The following FHAD1 variants were observed in gnomAD, a reference collection of about 807,000 sequenced individuals.
FHAD1 encodes forkhead associated phosphopeptide binding domain 1.
FHAD1 carries 146 observed loss-of-function variants against 191.3 expected under a neutral mutation model. That is an observed-to-expected ratio of 0.76 (90% CI 0.67 to 0.88). FHAD1 has a LOEUF of 0.88. Among genes scored for constraint, FHAD1 ranks in the 40% least tolerant of loss-of-function variants. The probability of loss-of-function intolerance (pLI) is 0.00; values close to 1 mark genes in which losing one functional copy is unlikely to be tolerated. For missense variants in FHAD1, 1,635 were observed against 1,785.8 expected, an observed-to-expected ratio of 0.92 and a Z score of 1.52; for synonymous variants, 616 against 672.3, an observed-to-expected ratio of 0.92 and a Z score of 1.29.
intron 14 of FHAD1, among the ~76,000 whole-genome samples, chr1:15,334,963 C>A (rs893545276): frequency 6.6e-6 from 1 of 152,186 alleles, no homozygotes; most frequent in Non-Finnish European, 1.5e-5. Context: ...AGTCCACGCC[C>A]CTCCAACCTC....
chr1:15,391,279 A>G lies in FHAD1; in HGVS notation c.4323+16A>G, dbSNP rs1238904628. 9 of 1,278,890 alleles carry G rather than the reference A, an allele frequency of 7.0e-6. No homozygotes were observed. Among genetic ancestry groups the G allele is most frequent in the African/African-American group, 1.5e-5 (1 of 65,414 alleles). The allele number at this position is 1,278,890 out of a possible 1,614,324, so 79.2% of individuals were successfully genotyped here. ...AAATTCCCAGGTGAGCAGAAAGAGC[A>G]TCCTTTAGAATTCTCTTTTTTTGTT... On this transcript the variant is annotated intron_variant, in intron 33 of 33. Transcript: ENST00000688493.
intron 32 of FHAD1, among the ~76,000 whole-genome samples, chr1:15,389,921 G>T (rs1336136642): frequency 6.6e-6 from 1 of 152,162 alleles, no homozygotes; most frequent in African/African-American, 2.4e-5. Flanking sequence ...ATGTAACTGG[G>T]TATCCTGTAT....
At position 15,281,717 on chromosome 1, in the gene FHAD1, C is replaced by T. The variant is rs1334230828; in HGVS notation, c.301-7682C>T. ...CGGAGGTTGCAGTGAGCTAAAATCG[C>T]GCTACTGCACTCCAGCCTGGGTGAC... On this transcript the variant is annotated intron_variant, in intron 3 of 33. Coordinates refer to ENST00000688493, the MANE Select transcript of FHAD1 (RefSeq NM_001391957.1). Among the ~76,000 whole-genome samples, 5 of 141,520 alleles carry T rather than the reference C, an allele frequency of 3.5e-5. No homozygotes were observed. The South Asian group carries it at 6.8e-4, about 19-fold the overall frequency. 92.8% of individuals were successfully genotyped at this position (141,520 alleles called of 152,430 possible). A position where few individuals can be genotyped will look rare whatever the true frequency, so the allele number is the denominator to read the frequency against.
chr1:15,374,847 CG>C (rs1558266177), intron 27 of FHAD1, among the ~76,000 whole-genome samples: 7 of 123,410 alleles, frequency 5.7e-5, no homozygotes, highest in South Asian at 4.7e-4. Context: ...CACTATTGTA[CG>C]TTTTTTTTTT....
intron 10 of FHAD1, among the ~76,000 whole-genome samples, chr1:15,321,611 C>T (rs531373967): frequency 3.3e-5 from 5 of 152,244 alleles, no homozygotes; most frequent in Non-Finnish European, 7.3e-5. Flanking sequence ...CATATCTACA[C>T]ATTACTATTA....
intron 26 of FHAD1, among the ~76,000 whole-genome samples, chr1:15,372,027 G>C (rs945233424): frequency 6.6e-6 from 1 of 152,210 alleles, no homozygotes; most frequent in African/African-American, 2.4e-5. Context: ...CTGTCATCTG[G>C]GAGGAGAGAC....
chr1:15,345,301 C>G, intron 17 of FHAD1, 111 bp downstream of exon 17: 1 of 1,341,810 alleles, frequency 7.5e-7, no homozygotes, highest in Non-Finnish European at 1.0e-6. Context: ...CTGTGCTGTC[C>G]ACAGTCCCCT....
At chr1:15,292,547 C>A (rs1404892191) in intron 4 of FHAD1, among the ~76,000 whole-genome samples, 8 of 152,154 alleles carry the variant, frequency 5.3e-5, no homozygotes, top group Non-Finnish European at 4.4e-5. Context: ...GTTAGCCAGG[C>A]TGGTCTCAAC....
At position 15,328,422 on chromosome 1, in the gene FHAD1, G is replaced by A. The variant is rs1315750293; in HGVS notation, c.1703G>A (p.Ser568Asn). 7.3e-6 allele frequency: 11 copies of A among 1,515,896 alleles called. No homozygotes were observed. The highest frequency in any genetic ancestry group is 8.8e-6 in the Non-Finnish European group (10 of 1,132,042). The allele number at this position is 1,515,896 out of a possible 1,614,324, so 93.9% of individuals were successfully genotyped here. A position where few individuals can be genotyped will look rare whatever the true frequency, so the allele number is the denominator to read the frequency against. Residue 568 changes from serine to asparagine, a missense_variant, in exon 13 of 34, where the codon AGC (serine) becomes AAC (asparagine). Transcript: ENST00000688493. ...GAGAAGCTGAGGACGTCGCTGGACA[G>A]CTGCCAGGTGGCCCCTCCTTACGCT... ...NIEKLRTSLD[S>N]CQACMKISCC... is the part of the protein sequence containing the mutation.
intron 3 of FHAD1, among the ~76,000 whole-genome samples, chr1:15,275,023 C>T (rs2101409975): frequency 1.3e-5 from 2 of 152,014 alleles, no homozygotes; most frequent in Middle Eastern, 6.8e-3. Context: ...AGTACAGTGG[C>T]CCGAGCTCGG....
chr1:15,281,605 C>A (rs1557993551), intron 3 of FHAD1, among the ~76,000 whole-genome samples: 1 of 151,594 alleles, frequency 6.6e-6, no homozygotes, highest in Admixed American at 6.6e-5. Flanking sequence ...ACTAAAAATA[C>A]AAAAAATTAG....
At chr1:15,357,908 G>A (rs1044379859) in intron 20 of FHAD1, 1 of 484,802 alleles carries the variant, frequency 2.1e-6, no homozygotes, top group African/African-American at 2.0e-5. Context: ...AAATCACAAG[G>A]AGACAGATCT....
At chr1:15,375,569 C>T (rs1699357435) in intron 27 of FHAD1, 34 bp from the exon 28 acceptor site, 1 of 1,493,332 alleles carries the variant, frequency 6.7e-7, no homozygotes, top group Admixed American at 2.6e-5. Flanking sequence ...TCTTCCTGAG[C>T]CTTTCTTTTG....
chr1:15,261,007 A>C (rs984717107), intron 2 of FHAD1, among the ~76,000 whole-genome samples: 1 of 152,184 alleles, frequency 6.6e-6, no homozygotes, highest in Non-Finnish European at 1.5e-5. Context: ...TAGAGAGGGA[A>C]GCGATAATAT....
rs1233601726 is a variant in FHAD1, at chr1:15,312,180, C to T, written c.1040-877C>T. 6.6e-6 allele frequency: 1 copy of T among 152,216 alleles called. No individual in the cohort carries two copies. Among genetic ancestry groups the T allele is most frequent in the Non-Finnish European group, 1.5e-5 (1 of 68,050 alleles). The allele number at this position is 152,216 out of a possible 1,614,324, so 9.4% of individuals were successfully genotyped here. On this transcript the variant is annotated intron_variant, in intron 7 of 33. Transcript: ENST00000688493. This position sits in a 1 kb window ranked among gnomAD's most constrained non-coding sequence, Gnocchi z 4.7. ...GCCATATGAGTTACACACGTCAGCC[C>T]TATTCAGGTGGGAGGGGGCTACACG...
At chr1:15,264,630 A>G (rs906984010) in intron 2 of FHAD1, among the ~76,000 whole-genome samples, 1 of 150,614 alleles carries the variant, frequency 6.6e-6, no homozygotes, top group African/African-American at 2.4e-5. Flanking sequence ...AATACAGGTA[A>G]TTTTATTTCT....
chr1:15,359,257 G>A (rs1187647787), intron 21 of FHAD1, among the ~76,000 whole-genome samples: 15 of 152,170 alleles, frequency 9.9e-5, no homozygotes, highest in Non-Finnish European at 8.8e-5. Context: ...AGTTTTGGGA[G>A]AGAAAGCAAG....
intron 31 of FHAD1, chr1:15,383,015 C>A (rs1238857032): frequency 4.4e-6 from 2 of 454,458 alleles, no homozygotes; most frequent in East Asian, 7.1e-5. Context: ...CACACACACA[C>A]GCGCACGCGC....
rs148557602 is a variant in FHAD1, at chr1:15,292,782, T to C, written c.568+3116T>C. ...AAGCCACCCGGCCAACACCTTGATCTTTCAACCTCTAAAACTTGAAAAAAT... is the reference window on the plus strand; with the variant it reads ...AAGCCACCCGGCCAACACCTTGATCCTTCAACCTCTAAAACTTGAAAAAAT... On this transcript the variant is annotated intron_variant, in intron 4 of 33. Transcript: ENST00000688493. Among the ~76,000 whole-genome samples, 692 of 152,242 alleles carry C rather than the reference T, an allele frequency of 4.5e-3. 20 individuals carry two copies. The South Asian group carries it at 0.074, about 16-fold the overall frequency.
Sources: gnomAD v4.1 joint callset for allele counts (sites outside exome capture counted in the v4.1 genomes callset) on GRCh38, gnomAD v4.1.1 for gene constraint, Gnocchi (gnomAD v3.1) non-coding constraint, MANE v1.5 for transcripts, NCBI Gene and HGNC (gene_info 2026-07-23, HGNC 2026-07-21) for gene names.